The following CCDC175 variants were observed in gnomAD, a reference collection of about 807,000 sequenced individuals.
CCDC175 encodes coiled-coil domain containing 175.
CCDC175 carries 100 observed loss-of-function variants against 114.6 expected under a neutral mutation model. The observed-to-expected ratio is 0.87, with a 90% CI of 0.74 to 1.03. The LOEUF (loss-of-function observed/expected upper bound fraction) is 1.03. CCDC175 is among the 50% of genes least tolerant of loss of function. CCDC175 has a pLI of 0.00. For synonymous variants in CCDC175, 306 were observed against 308.7 expected, an observed-to-expected ratio of 0.99 and a Z score of 0.09; for missense variants, 880 against 917.8, an observed-to-expected ratio of 0.96 and a Z score of 0.53.
In CCDC175 at chr14:59,505,331, A is replaced by G. The variant is rs1335043135; in HGVS notation, c.2306-16T>C. 7.2e-7 allele frequency: 1 copy of G among 1,394,136 alleles called. No homozygotes were observed. The highest frequency in any genetic ancestry group is 1.4e-5 in the African/African-American group (1 of 69,152). 86.4% of individuals were successfully genotyped at this position (1,394,136 alleles called of 1,614,324 possible). On this transcript the variant is annotated splice_polypyrimidine_tract_variant and intron_variant, in intron 19 of 19. Coordinates refer to ENST00000537690, the MANE Select transcript of CCDC175 (RefSeq NM_001164399.2). ...TTCTTCTTCTCTGTAGGAATAAAAAATAAATATAAAAATTTTATTTGTATT... is the reference window on the plus strand; with the variant it reads ...TTCTTCTTCTCTGTAGGAATAAAAAGTAAATATAAAAATTTTATTTGTATT...
chr14:59,528,494 A>T (rs1454426975), intron 14 of CCDC175, among the ~76,000 whole-genome samples: 1 of 152,100 alleles, frequency 6.6e-6, no homozygotes, highest in Non-Finnish European at 1.5e-5. Flanking sequence ...GGCAGTTTCT[A>T]CTTACTTCGT....
chr14:59,576,246 T>G (rs1373756630), intron 1 of CCDC175, among the ~76,000 whole-genome samples: 1 of 152,168 alleles, frequency 6.6e-6, no homozygotes, highest in Non-Finnish European at 1.5e-5. Flanking sequence ...CGGCAAAATG[T>G]CGGAGGAAGT....
At chr14:59,575,562 T>A (rs1303055020) in intron 1 of CCDC175, among the ~76,000 whole-genome samples, 2 of 140,262 alleles carry the variant, frequency 1.4e-5, no homozygotes, top group Admixed American at 1.6e-4. Flanking sequence ...CAGGCTGGAG[T>A]GCAGTGGCAC....
chr14:59,519,203 T>C (rs1268202451), intron 17 of CCDC175, among the ~76,000 whole-genome samples: 1 of 152,038 alleles, frequency 6.6e-6, no homozygotes, highest in Non-Finnish European at 1.5e-5. Flanking sequence ...CATTTGGAGA[T>C]ATACCTAATG....
intron 10 of CCDC175, among the ~76,000 whole-genome samples, chr14:59,541,258 T>C (rs1057001689): frequency 2.6e-5 from 4 of 152,154 alleles, no homozygotes; most frequent in African/African-American, 9.7e-5. Flanking sequence ...TGATTTGATA[T>C]AATATACAAT....
intron 10 of CCDC175, among the ~76,000 whole-genome samples, chr14:59,543,006 T>G (rs1271705692): frequency 6.6e-6 from 1 of 152,192 alleles, no homozygotes; most frequent in Non-Finnish European, 1.5e-5. Context: ...CAGGTATTAT[T>G]TTTTAATCAG....
intron 18 of CCDC175, among the ~76,000 whole-genome samples, chr14:59,511,434 T>C (rs1443640840): frequency 6.7e-6 from 1 of 150,104 alleles, no homozygotes; most frequent in East Asian, 2.0e-4. Flanking sequence ...AACTTTGTCC[T>C]GAACCAAAAT....
chr14:59,552,470 A>G (rs1375963377), intron 7 of CCDC175, among the ~76,000 whole-genome samples: 1 of 152,210 alleles, frequency 6.6e-6, no homozygotes, highest in Non-Finnish European at 1.5e-5. Flanking sequence ...CCATCTGTAC[A>G]TCACCATCAT....
In CCDC175 at chr14:59,563,725, A is replaced by G; in HGVS notation, c.843+12T>C. 1 of 1,381,572 alleles carries G rather than the reference A, an allele frequency of 7.2e-7. No homozygotes were observed. The highest frequency in any genetic ancestry group is 1.7e-5 in the South Asian group (1 of 59,794). The allele number at this position is 1,381,572 out of a possible 1,614,324, so 85.6% of individuals were successfully genotyped here. A position where few individuals can be genotyped will look rare whatever the true frequency, so the allele number is the denominator to read the frequency against. ...TAAGGCTTAAAAATATATATAGTTT[A>G]TTCTTTCTTACCGCTGCGGAAACAG... On this transcript the variant is annotated intron_variant, in intron 6 of 19. Coordinates refer to ENST00000537690, the MANE Select transcript of CCDC175 (RefSeq NM_001164399.2).
Position 59,574,447 on chromosome 14 carries a change from A to G in CCDC175, c.243+496T>C, listed in dbSNP as rs1212963091. Among the ~76,000 whole-genome samples the G allele has an allele frequency of 3.3e-5, 5 of 152,212 alleles. No individual in the cohort carries two copies. The East Asian group carries it at 9.6e-4, about 29-fold the overall frequency. ...TAGGGGCCAGTTAAGTGTAATTGAA[A>G]GAGTTTCTCTTTGTTTTCACTAACA... On this transcript the variant is annotated intron_variant, in intron 2 of 19. Transcript: ENST00000537690.
At chr14:59,568,801 G>A (rs1025717655) in intron 3 of CCDC175, among the ~76,000 whole-genome samples, 7 of 152,222 alleles carry the variant, frequency 4.6e-5, no homozygotes, top group Non-Finnish European at 7.4e-5. Context: ...TCCCTCTCTC[G>A]CACTGATAGA....
At position 59,510,718 on chromosome 14, in the gene CCDC175, T is replaced by A; in HGVS notation, c.2233A>T (p.Ser745Cys). Residue 745 changes from serine to cysteine, a missense_variant, in exon 19 of 20, where the codon AGT becomes TGT. By Grantham distance (112) the Ser-to-Cys change is moderately radical. Coordinates refer to ENST00000537690, the MANE Select transcript of CCDC175 (RefSeq NM_001164399.2). ...TCAAGACTCCCTCGTAGCCATGTACTGACATGCTGCATTTTTTCATCTCTT... is the reference window on the plus strand; with the variant it reads ...TCAAGACTCCCTCGTAGCCATGTACAGACATGCTGCATTTTTTCATCTCTT... ...RERDEKMQHV[S>C]TWLRGSLEGL... 6.5e-7 allele frequency: 1 copy of A among 1,537,314 alleles called. No homozygotes were observed. Among genetic ancestry groups the A allele is most frequent in the Non-Finnish European group, 8.7e-7 (1 of 1,146,888 alleles).
rs950913480 is a variant in CCDC175, at chr14:59,512,804, G to A, written c.2099-1001C>T. ...ACAAACCCAATTAAGATCTCAGCAG[G>A]GGTGTGTGTGTGTGTGTGTGTGTGT... On this transcript the variant is annotated intron_variant, in intron 17 of 19. Transcript: ENST00000537690. Among the ~76,000 whole-genome samples, 6 of 106,646 alleles carry A rather than the reference G, an allele frequency of 5.6e-5. 1 individual carries two copies. In the South Asian group the frequency reaches 2.2e-3, roughly 40 times the overall value. 70.0% of individuals were successfully genotyped at this position (106,646 alleles called of 152,430 possible).
chr14:59,551,203 G>A (rs1264558129), intron 8 of CCDC175, 152 bp downstream of exon 8: 23 of 474,572 alleles, frequency 4.8e-5, no homozygotes, highest in Non-Finnish European at 5.1e-5. Flanking sequence ...ACTTTGGGAG[G>A]AGATAAAATT....
In CCDC175 at chr14:59,506,297, T is replaced by C. The variant is rs956772905; in HGVS notation, c.2306-982A>G. Among the ~76,000 whole-genome samples the C allele has an allele frequency of 6.0e-5, 9 of 150,402 alleles. 1 individual carries two copies. Among genetic ancestry groups the C allele is most frequent in the South Asian group, 4.2e-4 (2 of 4,740 alleles). Reference sequence around the variant, plus strand: ...GGGATTTTTTTTTTTTTTTCTTTTTTTTTTTTTGAGACAGTGTCTCGCTCT... The same window carrying C: ...GGGATTTTTTTTTTTTTTTCTTTTTCTTTTTTTGAGACAGTGTCTCGCTCT... On this transcript the variant is annotated intron_variant, in intron 19 of 19. Transcript: ENST00000537690.
Position 59,576,797 on chromosome 14 carries a change from C to T in CCDC175, c.-22G>A, listed in dbSNP as rs1270705510. 7.1e-7 allele frequency: 1 copy of T among 1,413,726 alleles called. No homozygotes were observed. Among genetic ancestry groups the T allele is most frequent in the South Asian group, 1.5e-5 (1 of 66,246 alleles). 87.6% of individuals were successfully genotyped at this position (1,413,726 alleles called of 1,614,324 possible). A position where few individuals can be genotyped will look rare whatever the true frequency, so the allele number is the denominator to read the frequency against. ...CCATTTTGCCGCTCTACTTGAGCGCCTCCTAAGCCAGAGCCAAGGATTGCC... is the reference window on the plus strand; with the variant it reads ...CCATTTTGCCGCTCTACTTGAGCGCTTCCTAAGCCAGAGCCAAGGATTGCC... On this transcript the variant is annotated 5_prime_UTR_variant, in exon 1 of 20. Transcript: ENST00000537690.
At chr14:59,507,127 G>A (rs1301420284) in intron 19 of CCDC175, among the ~76,000 whole-genome samples, 1 of 152,184 alleles carries the variant, frequency 6.6e-6, no homozygotes, top group African/African-American at 2.4e-5. Context: ...TTTTCAGGAA[G>A]AAGTCTGGCC....
At chr14:59,515,419 C>T (rs1893016615) in intron 17 of CCDC175, among the ~76,000 whole-genome samples, 1 of 152,114 alleles carries the variant, frequency 6.6e-6, no homozygotes, top group Non-Finnish European at 1.5e-5. Context: ...ATTCAGGAGA[C>T]CCATCTCACA....
Position 59,571,148 on chromosome 14 carries a change from T to TA in CCDC175, c.355+1553dup, listed in dbSNP as rs35713404. On this transcript the variant is annotated intron_variant, in intron 3 of 19. Transcript: ENST00000537690. Reference sequence around the variant, plus strand: ...CCTTACCCCAAATATGAAATTTACCTAAAAAAAAAAAAAAAAAAAGAGATC... The same window carrying TA: ...CCTTACCCCAAATATGAAATTTACCTAAAAAAAAAAAAAAAAAAAAGAGATC... Among the ~76,000 whole-genome samples, 295 of 128,352 alleles carry TA rather than the reference T, an allele frequency of 2.3e-3. 1 individual carries two copies. The highest frequency in any genetic ancestry group is 5.6e-3 in the African/African-American group (191 of 34,218). The allele number at this position is 128,352 out of a possible 152,430, so 84.2% of individuals were successfully genotyped here.
Sources: gnomAD v4.1 joint callset for allele counts (sites outside exome capture counted in the v4.1 genomes callset) on GRCh38, gnomAD v4.1.1 for gene constraint, MANE v1.5 for transcripts, NCBI Gene and HGNC (gene_info 2026-07-23, HGNC 2026-07-21) for gene names.